Variants in GNAQ observed in about 807,000 individuals in gnomAD.
The protein encoded by GNAQ is G protein subunit alpha q, also known as guanine nucleotide-binding protein G(q) subunit alpha.
Under a neutral mutation model 43.9 loss-of-function variants are expected in GNAQ, and 8 were observed. The ratio of observed to expected loss-of-function variants is 0.18; its 90% CI spans 0.11 to 0.33. The LOEUF (loss-of-function observed/expected upper bound fraction) is 0.33. Ranked by LOEUF, GNAQ falls within the 10% of genes least tolerant of loss-of-function variation. GNAQ has a pLI of 1.00. For missense variants in GNAQ, 158 were observed against 450.8 expected (o/e 0.35, Z 5.88); for synonymous variants, 155 against 170.7 (o/e 0.91, Z 0.71).
At chr9:77,929,388 T>C (rs1829114836) in intron 1 of GNAQ, among the ~76,000 whole-genome samples, 1 of 152,230 alleles carries the variant, frequency 6.6e-6, no homozygotes, top group Non-Finnish European at 1.5e-5. Context: ...CCTGATCTTG[T>C]GTCCTCATAC....
chr9:78,003,394 T>A (rs1362640171), intron 1 of GNAQ, among the ~76,000 whole-genome samples: 1 of 152,210 alleles, frequency 6.6e-6, no homozygotes, highest in Non-Finnish European at 1.5e-5. Context: ...TCTTCCATAG[T>A]ATTCTTCTCT....
chr9:77,941,351 G>C (rs995667272), intron 1 of GNAQ, among the ~76,000 whole-genome samples: 1 of 151,874 alleles, frequency 6.6e-6, no homozygotes, highest in Non-Finnish European at 1.5e-5. Flanking sequence ...CTGGGTTCAC[G>C]CCATTCTCCT....
intron 5 of GNAQ, among the ~76,000 whole-genome samples, chr9:77,778,532 C>A (rs1019151851): frequency 6.6e-6 from 1 of 151,624 alleles, no homozygotes; most frequent in Non-Finnish European, 1.5e-5. Context: ...GAATAAAGAA[C>A]AAGGGCAAAC....
chr9:77,832,251 T>A (rs1415156955), intron 2 of GNAQ, among the ~76,000 whole-genome samples: 1 of 152,190 alleles, frequency 6.6e-6, no homozygotes, highest in Non-Finnish European at 1.5e-5. Flanking sequence ...AGGCTAAGTT[T>A]CATCTACAAG....
chr9:77,742,559 T>C (rs1825670288), intron 5 of GNAQ, among the ~76,000 whole-genome samples: 1 of 152,000 alleles, frequency 6.6e-6, no homozygotes, highest in Non-Finnish European at 1.5e-5. Context: ...TATTACTAAG[T>C]TACGCAGTCA....
At chr9:77,898,400 G>C (rs1314837116) in intron 2 of GNAQ, among the ~76,000 whole-genome samples, 1 of 152,058 alleles carries the variant, frequency 6.6e-6, no homozygotes, top group East Asian at 1.9e-4. Context: ...TCCCATCTAG[G>C]CTATTGCCTA....
chr9:77,793,201 T>G (rs1258909915), intron 5 of GNAQ, among the ~76,000 whole-genome samples: 1 of 152,186 alleles, frequency 6.6e-6, no homozygotes, highest in African/African-American at 2.4e-5. Context: ...TGTATCTTGG[T>G]AACTTACTGT....
intron 1 of GNAQ, among the ~76,000 whole-genome samples, chr9:77,977,057 G>C (rs1001149950): frequency 6.6e-6 from 1 of 152,212 alleles, no homozygotes; most frequent in Non-Finnish European, 1.5e-5. Flanking sequence ...CACCTGCTGG[G>C]AGAATCTCAG....
intron 2 of GNAQ, among the ~76,000 whole-genome samples, chr9:77,827,940 G>C (rs530431755): frequency 8.6e-5 from 13 of 150,946 alleles, no homozygotes; most frequent in Non-Finnish European, 1.8e-4. Flanking sequence ...GGCACCTGTA[G>C]TCCCAGCTAC....
At chr9:77,870,100 A>C (rs2118023289) in intron 2 of GNAQ, among the ~76,000 whole-genome samples, 1 of 152,316 alleles carries the variant, frequency 6.6e-6, no homozygotes, top group Middle Eastern at 3.4e-3. Context: ...CTTTTAAATA[A>C]GGTAATAAGC....
In GNAQ at chr9:77,815,635, A is replaced by G; in HGVS notation, c.457T>C (p.Leu153=). The G allele has an allele frequency of 6.2e-7, 1 of 1,604,050 alleles. No individual in the cohort carries two copies. Among genetic ancestry groups the G allele is most frequent in the Non-Finnish European group, 8.5e-7 (1 of 1,172,082 alleles). ...ACTCACTATTTGGTAGAGTCAGATA[A>G]TTGATATTCTCGTCGTCTATCATAG... is the stretch of plus-strand genomic sequence containing the variant. ...ECYDRRREYQ[L]SDSTKYYLND... is the part of the protein sequence containing the mutation. Residue 153 remains leucine (L), a synonymous_variant, in exon 3 of 7, where the codon TTA becomes CTA. Transcript: ENST00000286548.
intron 5 of GNAQ, among the ~76,000 whole-genome samples, chr9:77,761,060 C>T (rs1826001119): frequency 6.6e-6 from 1 of 152,040 alleles, no homozygotes; most frequent in African/African-American, 2.4e-5. Context: ...GCAGCCACCC[C>T]ATCTGGGAAG....
At chr9:77,782,642 C>T (rs1564109253) in intron 5 of GNAQ, among the ~76,000 whole-genome samples, 1 of 152,186 alleles carries the variant, frequency 6.6e-6, no homozygotes, top group Non-Finnish European at 1.5e-5. Flanking sequence ...CAATCATGCT[C>T]CTTGGTATTT....
intron 2 of GNAQ, among the ~76,000 whole-genome samples, chr9:77,816,982 C>T (rs916832287): frequency 3.3e-5 from 5 of 152,162 alleles, no homozygotes; most frequent in African/African-American, 1.2e-4. Flanking sequence ...TCTGTTCTGA[C>T]TGTGACAATC....
rs1279570036 is a variant in GNAQ at position 77,880,554 on chromosome 9, T to TG, written c.321+41606dup. The stretch of plus-strand genomic sequence containing the variant: ...TGCCCCACACCTGGATGATTTTTTC[T>TG]GTTTTTTTTTTTTTGTTTTTTTTGT... On this transcript the variant is annotated intron_variant, in intron 2 of 6. Transcript: ENST00000286548. 2.1e-4 allele frequency among the ~76,000 whole-genome samples: 18 copies of TG among 84,218 alleles called. No homozygotes were observed. The East Asian group carries it at 4.5e-3, about 21-fold the overall frequency. 55.3% of individuals were successfully genotyped at this position (84,218 alleles called of 152,430 possible). A position where few individuals can be genotyped will look rare whatever the true frequency, so the allele number is the denominator to read the frequency against.
At chr9:78,009,651 T>C (rs1823749877) in intron 1 of GNAQ, among the ~76,000 whole-genome samples, 1 of 152,226 alleles carries the variant, frequency 6.6e-6, no homozygotes, top group Non-Finnish European at 1.5e-5. Flanking sequence ...TTTTCCCTGA[T>C]CTAACTACAA....
rs143660231 is a variant in GNAQ, at chr9:77,730,184, G to A, written c.736-1517C>T. 5.8e-3 allele frequency among the ~76,000 whole-genome samples: 877 copies of A among 152,294 alleles called. 9 individuals are homozygous for A. The highest frequency in any genetic ancestry group is 0.019 in the African/African-American group (809 of 41,564). ...TTTGTTTTTTCAACTAGTTGGGGCT[G>A]TACTTTTCTGGTTTTTATTATACAA... On this transcript the variant is annotated intron_variant, in intron 5 of 6. Coordinates refer to ENST00000286548, the MANE Select transcript of GNAQ (RefSeq NM_002072.5).
intron 5 of GNAQ, among the ~76,000 whole-genome samples, chr9:77,753,101 AAAAAAG>A (rs1825840793): frequency 6.6e-6 from 1 of 151,570 alleles, no homozygotes; most frequent in Non-Finnish European, 1.5e-5. Flanking sequence ...AAAAAAAAAA[AAAAAAG>A]AAAAAGGAAA....
intron 5 of GNAQ, among the ~76,000 whole-genome samples, chr9:77,739,041 A>G (rs937320248): frequency 6.6e-6 from 1 of 152,186 alleles, no homozygotes; most frequent in Non-Finnish European, 1.5e-5. Flanking sequence ...ATGAAAGCAT[A>G]TTGCAAATTT....
Sources: allele counts gnomAD v4.1 joint callset (sites outside exome capture counted in the v4.1 genomes callset), GRCh38; gene constraint gnomAD v4.1.1; transcripts MANE v1.5; gene names NCBI Gene and HGNC (gene_info 2026-07-23, HGNC 2026-07-21).